Variants in KCNIP4 observed in about 807,000 individuals in gnomAD.
KCNIP4 encodes Kv channel-interacting protein 4.
Under a neutral mutation model 34.0 loss-of-function variants are expected in KCNIP4, and 12 were observed. That is an observed-to-expected ratio of 0.35 (90% confidence interval 0.23 to 0.57). KCNIP4 has a LOEUF of 0.57. Ranked by LOEUF, KCNIP4 falls within the 20% of genes least tolerant of loss-of-function variation. The pLI, the probability that KCNIP4 is intolerant of heterozygous loss-of-function variation, is 0.83. For synonymous variants in KCNIP4, 124 were observed against 102.2 expected, an observed-to-expected ratio of 1.21 and a Z score of -1.29; for missense variants, 238 against 311.7, an observed-to-expected ratio of 0.76 and a Z score of 1.78.
chr4:20,905,158 T>C (rs1380256014), intron 1 of KCNIP4, among the ~76,000 whole-genome samples: 2 of 152,196 alleles, frequency 1.3e-5, no homozygotes, highest in African/African-American at 4.8e-5. Flanking sequence ...TATCTCACAG[T>C]TCTGGAGGCT....
intron 1 of KCNIP4, among the ~76,000 whole-genome samples, chr4:20,973,516 T>A (rs117221692): frequency 6.6e-6 from 1 of 152,348 alleles, no homozygotes; most frequent in East Asian, 1.9e-4. Context: ...GCTTTCTCAT[T>A]CTTCACGTGT....
At chr4:21,438,062 TTAGA>T (rs539341228) in intron 1 of KCNIP4, among the ~76,000 whole-genome samples, 3 of 152,196 alleles carry the variant, frequency 2.0e-5, no homozygotes, top group South Asian at 2.1e-4. Flanking sequence ...TTTTGAATCA[TTAGA>T]TAGTGTGCCT....
At chr4:21,646,651 G>T (rs968659097) in intron 1 of KCNIP4, among the ~76,000 whole-genome samples, 2 of 152,050 alleles carry the variant, frequency 1.3e-5, no homozygotes, top group Non-Finnish European at 1.5e-5. Flanking sequence ...AAATGCAAGC[G>T]CATGGGACAT....
In KCNIP4 at chr4:21,035,514, A is replaced by G. The variant is rs1246167597; in HGVS notation, c.62-152805T>C. Among the ~76,000 whole-genome samples the G allele has an allele frequency of 2.6e-5, 4 of 152,180 alleles. No individual in the cohort carries two copies. The South Asian group carries it at 8.3e-4, about 32-fold the overall frequency. ...TCACAAGTTATGGCTCATGTTTCAT[A>G]TTCCTTTGGGCCTAGCAAATTTTCA... On this transcript the variant is annotated intron_variant, in intron 1 of 8. Transcript: ENST00000382152.
At chr4:21,823,536 C>A (rs2109294330) in intron 1 of KCNIP4, among the ~76,000 whole-genome samples, 1 of 150,780 alleles carries the variant, frequency 6.6e-6, no homozygotes, top group East Asian at 2.0e-4. Flanking sequence ...AACTACAGTC[C>A]TTCCAGATCT....
chr4:20,979,318 A>G (rs954572385), intron 1 of KCNIP4, among the ~76,000 whole-genome samples: 1 of 152,034 alleles, frequency 6.6e-6, no homozygotes, highest in African/African-American at 2.4e-5. Flanking sequence ...TGAGGAGGGA[A>G]TTCTGTGGAT....
chr4:21,632,826 T>C (rs778427468), intron 1 of KCNIP4, among the ~76,000 whole-genome samples: 27 of 152,180 alleles, frequency 1.8e-4, no homozygotes, highest in Non-Finnish European at 3.4e-4. Context: ...CTAAATATTT[T>C]GGGAACACTC....
intron 1 of KCNIP4, among the ~76,000 whole-genome samples, chr4:21,879,942 G>A (rs1242128668): frequency 3.3e-5 from 5 of 151,908 alleles, no homozygotes; most frequent in African/African-American, 7.3e-5. Flanking sequence ...TCTGCACTTC[G>A]CCTTCTTGCC....
chr4:21,271,175 C>T (rs1417263310), intron 1 of KCNIP4, among the ~76,000 whole-genome samples: 1 of 152,062 alleles, frequency 6.6e-6, no homozygotes, highest in East Asian at 1.9e-4. Context: ...TTAATCTAGT[C>T]ATATGATTTT....
intron 1 of KCNIP4, among the ~76,000 whole-genome samples, chr4:21,917,228 G>A (rs1332640779): frequency 2.0e-5 from 3 of 151,956 alleles, no homozygotes; most frequent in East Asian, 3.9e-4. Context: ...TCCACCTCTC[G>A]GGTTCACACG....
intron 1 of KCNIP4, among the ~76,000 whole-genome samples, chr4:21,838,855 G>T (rs1299124949): frequency 1.3e-5 from 2 of 152,148 alleles, no homozygotes; most frequent in East Asian, 1.9e-4. Context: ...TCAAAGAAAT[G>T]AACTAAATTT....
intron 1 of KCNIP4, among the ~76,000 whole-genome samples, chr4:21,363,313 G>C (rs1157382562): frequency 6.6e-6 from 1 of 151,944 alleles, no homozygotes; most frequent in Non-Finnish European, 1.5e-5. Flanking sequence ...CCTTCTCTTG[G>C]ACATCACTTC....
intron 1 of KCNIP4, among the ~76,000 whole-genome samples, chr4:21,131,654 G>A (rs761450312): frequency 2.8e-4 from 42 of 152,014 alleles, no homozygotes; most frequent in Non-Finnish European, 5.6e-4. Flanking sequence ...CCGGAAGAGG[G>A]CAATGATTGG....
At chr4:21,769,579 G>T (rs28459770) in intron 1 of KCNIP4, among the ~76,000 whole-genome samples, 22,591 of 152,058 alleles carry the variant, frequency 0.15, 5,637 homozygotes, top group African/African-American at 0.51. Context: ...AATTCCCTCT[G>T]TCATGCAAGA....
At chr4:21,681,215 C>G (rs115488870) in intron 1 of KCNIP4, among the ~76,000 whole-genome samples, 1 of 152,048 alleles carries the variant, frequency 6.6e-6, no homozygotes, top group African/African-American at 2.4e-5. Flanking sequence ...GCTGGGACTA[C>G]GTACAGTCTC....
chr4:21,246,073 T>C (rs1760180453), intron 1 of KCNIP4, among the ~76,000 whole-genome samples: 1 of 152,114 alleles, frequency 6.6e-6, no homozygotes, highest in African/African-American at 2.4e-5. Flanking sequence ...TAGAACACGA[T>C]AGCTAATTCT....
chr4:21,585,529 TGA>T lies in KCNIP4; in HGVS notation c.61+363040_61+363041del, dbSNP rs534430148. 1.0e-3 allele frequency among the ~76,000 whole-genome samples: 154 copies of T among 152,236 alleles called. 1 individual carries two copies. Among genetic ancestry groups the T allele is most frequent in the African/African-American group, 3.6e-3 (148 of 41,570 alleles). On this transcript the variant is annotated intron_variant, in intron 1 of 8. Transcript: ENST00000382152. Reference sequence around the variant, plus strand: ...CATATATTTCACTGTGTCATGAGAATGAGAGTCATTGATCTTGGCAGATCTGA... The same window carrying T: ...CATATATTTCACTGTGTCATGAGAATGAGTCATTGATCTTGGCAGATCTGA...
At chr4:21,592,043 G>C (rs1742263389) in intron 1 of KCNIP4, among the ~76,000 whole-genome samples, 1 of 152,084 alleles carries the variant, frequency 6.6e-6, no homozygotes, top group South Asian at 2.1e-4. Flanking sequence ...TAGAGGGATA[G>C]TCATGGGAAA....
chr4:20,898,772 G>A (rs1269265558), intron 1 of KCNIP4, among the ~76,000 whole-genome samples: 4 of 152,174 alleles, frequency 2.6e-5, no homozygotes, highest in Middle Eastern at 3.4e-3. Flanking sequence ...TATCTATATC[G>A]TATCTATCTA....
Sources: gnomAD v4.1 joint callset for allele counts (sites outside exome capture counted in the v4.1 genomes callset) on GRCh38, gnomAD v4.1.1 for gene constraint, MANE v1.5 for transcripts, NCBI Gene and HGNC (gene_info 2026-07-23, HGNC 2026-07-21) for gene names.